The following CNTNAP2 variants were observed in gnomAD, a reference collection of about 807,000 sequenced individuals.
CNTNAP2 encodes the protein contactin-associated protein-like 2.
In CNTNAP2, 98 loss-of-function variants were observed where a neutral mutation model predicts 155.2. The observed-to-expected ratio is 0.63, with a 90% CI of 0.54 to 0.75. The LOEUF is 0.75. Among genes scored for constraint, CNTNAP2 ranks in the 30% least tolerant of loss-of-function variants. The probability of loss-of-function intolerance (pLI) is 0.00; values close to 1 mark genes in which losing one functional copy is unlikely to be tolerated. For synonymous variants in CNTNAP2, 651 were observed against 631.2 expected, an observed-to-expected ratio of 1.03 and a Z score of -0.47; for missense variants, 1,727 against 1,688.1, an observed-to-expected ratio of 1.02 and a Z score of -0.40.
At chr7:146,681,777 A>T (rs972372907) in intron 1 of CNTNAP2, among the ~76,000 whole-genome samples, 5 of 152,146 alleles carry the variant, frequency 3.3e-5, no homozygotes, top group African/African-American at 1.2e-4. Context: ...CATAAAATAA[A>T]GGTTTGAAAG....
chr7:147,417,378 G>C (rs1021238311), intron 10 of CNTNAP2, among the ~76,000 whole-genome samples: 46 of 152,252 alleles, frequency 3.0e-4, no homozygotes, highest in African/African-American at 1.1e-3. Context: ...TCTTCTTGCA[G>C]TGTTCTCACA....
Position 147,583,512 on chromosome 7 carries a change from A to ATATATATATATACATATATATATATATG in CNTNAP2, c.1897+21267_1897+21268insCATATATATATATATGTATATATATATA, listed in dbSNP as rs1173331352. 3.8e-4 allele frequency among the ~76,000 whole-genome samples: 54 copies of ATATATATATATACATATATATATATATG among 143,380 alleles called. 1 individual carries two copies. Among genetic ancestry groups the ATATATATATATACATATATATATATATG allele is most frequent in the African/African-American group, 1.2e-3 (46 of 37,146 alleles). The allele number at this position is 143,380 out of a possible 152,430, so 94.1% of individuals were successfully genotyped here. On this transcript the variant is annotated intron_variant, in intron 12 of 23. Transcript: ENST00000361727. ...TATATAAAAGACATGACATATATAT[A>ATATATATATATACATATATATATATATG]TATATATATATATATATATAATGTC...
chr7:147,379,132 A>AGGC (rs1468936544), intron 9 of CNTNAP2, among the ~76,000 whole-genome samples: 1 of 152,064 alleles, frequency 6.6e-6, no homozygotes, highest in Non-Finnish European at 1.5e-5. Context: ...AAGTTTCCTG[A>AGGC]GGCCTCCCCA....
chr7:146,720,893 ATATATATTCTATATATATACTCTC>A (rs1187918411), intron 1 of CNTNAP2, among the ~76,000 whole-genome samples: 38 of 138,330 alleles, frequency 2.7e-4, no homozygotes, highest in African/African-American at 9.4e-4. Context: ...TATACTCTCT[ATATATATTCTATATATATACTCTC>A]TATATATTCT....
intron 13 of CNTNAP2, among the ~76,000 whole-genome samples, chr7:147,705,251 G>C (rs1254755176): frequency 6.6e-6 from 1 of 151,810 alleles, no homozygotes; most frequent in African/African-American, 2.4e-5. Context: ...ACTACGTTTT[G>C]ACTTGCATTT....
intron 13 of CNTNAP2, among the ~76,000 whole-genome samples, chr7:147,655,304 T>G (rs1418435148): frequency 1.3e-5 from 2 of 151,762 alleles, no homozygotes; most frequent in Admixed American, 6.6e-5. Context: ...TGTATTTTTA[T>G]TAGAGATGGG....
chr7:147,261,126 A>G (rs1211897144), intron 8 of CNTNAP2, among the ~76,000 whole-genome samples: 1 of 152,210 alleles, frequency 6.6e-6, no homozygotes, highest in African/African-American at 2.4e-5. Context: ...TAGCTTTTGA[A>G]TGATTTATTA....
chr7:147,047,002 A>C (rs1343641560), intron 4 of CNTNAP2, among the ~76,000 whole-genome samples: 1 of 146,384 alleles, frequency 6.8e-6, no homozygotes, highest in Non-Finnish European at 1.5e-5. Flanking sequence ...ACTGTACTCC[A>C]ACCTGGGCGA....
chr7:146,704,828 T>C (rs1374511930), intron 1 of CNTNAP2, among the ~76,000 whole-genome samples: 1 of 152,190 alleles, frequency 6.6e-6, no homozygotes, highest in Admixed American at 6.6e-5. Flanking sequence ...CATCTTCTTC[T>C]ATTGACTATA....
intron 2 of CNTNAP2, among the ~76,000 whole-genome samples, chr7:146,796,863 G>A (rs1025246485): frequency 3.9e-5 from 6 of 152,196 alleles, no homozygotes; most frequent in Non-Finnish European, 7.4e-5. Flanking sequence ...TTGGCCGGGC[G>A]CGGTGGCTCA....
At chr7:147,848,264 G>A (rs992345105) in intron 13 of CNTNAP2, among the ~76,000 whole-genome samples, 12 of 148,254 alleles carry the variant, frequency 8.1e-5, no homozygotes, top group African/African-American at 1.7e-4. Context: ...GTAGGCGTAG[G>A]ACCCTCTGAG....
intron 9 of CNTNAP2, among the ~76,000 whole-genome samples, chr7:147,312,359 C>T: frequency 6.6e-6 from 1 of 151,094 alleles, no homozygotes; most frequent in Non-Finnish European, 1.5e-5. Context: ...GTGCTGCACC[C>T]ATTAACTCGT....
In CNTNAP2 at chr7:147,573,840, C is replaced by T. The variant is rs141749630; in HGVS notation, c.1897+11583C>T. Among the ~76,000 whole-genome samples, 791 of 152,234 alleles carry T rather than the reference C, an allele frequency of 5.2e-3. 6 individuals are homozygous for T. Among genetic ancestry groups the T allele is most frequent in the African/African-American group, 0.018 (751 of 41,558 alleles). Reference sequence around the variant, plus strand: ...CATGATTTTTATATAATGTCTTCTTCATTTTAATTTTACCCTCTAATGTGG... The same window carrying T: ...CATGATTTTTATATAATGTCTTCTTTATTTTAATTTTACCCTCTAATGTGG... On this transcript the variant is annotated intron_variant, in intron 12 of 23. Transcript: ENST00000361727.
intron 5 of CNTNAP2, among the ~76,000 whole-genome samples, chr7:147,111,901 G>C (rs78586013): frequency 1.9e-3 from 288 of 152,248 alleles, no homozygotes; most frequent in Middle Eastern, 0.01. Flanking sequence ...ATTCTCTGAA[G>C]AATGGTCAAT....
chr7:146,295,494 A>G (rs1348653443), intron 1 of CNTNAP2, among the ~76,000 whole-genome samples: 5 of 152,176 alleles, frequency 3.3e-5, no homozygotes, highest in African/African-American at 1.2e-4. Flanking sequence ...TTGTTCTCCC[A>G]GAGTATTCAA....
At chr7:147,579,209 T>TCG (rs1800452219) in intron 12 of CNTNAP2, among the ~76,000 whole-genome samples, 1 of 152,038 alleles carries the variant, frequency 6.6e-6, no homozygotes, top group African/African-American at 2.4e-5. Context: ...AGAGAGAGGG[T>TCG]GTGAATCGTT....
At chr7:147,891,094 A>T (rs1269905252) in intron 13 of CNTNAP2, among the ~76,000 whole-genome samples, 1 of 152,254 alleles carries the variant, frequency 6.6e-6, no homozygotes, top group Non-Finnish European at 1.5e-5. Context: ...AAAAGAATAG[A>T]CTAAAGGATT....
intron 1 of CNTNAP2, among the ~76,000 whole-genome samples, chr7:146,663,425 T>C (rs1433117751): frequency 6.6e-6 from 1 of 151,922 alleles, no homozygotes; most frequent in Admixed American, 6.6e-5. Context: ...ACCTTTAGAA[T>C]AGCTGGATCA....
chr7:146,867,641 G>T (rs1795231498), intron 3 of CNTNAP2, among the ~76,000 whole-genome samples: 3 of 152,062 alleles, frequency 2.0e-5, no homozygotes, highest in African/African-American at 7.2e-5. Context: ...CACCAACAGT[G>T]TATAAGTGTT....
Sources: gnomAD v4.1 joint callset for allele counts (sites outside exome capture counted in the v4.1 genomes callset) on GRCh38, gnomAD v4.1.1 for gene constraint, MANE v1.5 for transcripts, NCBI Gene and HGNC (gene_info 2026-07-23, HGNC 2026-07-21) for gene names.